The following SYNE1 variants were observed in gnomAD, a reference collection of about 807,000 sequenced individuals.
SYNE1 encodes the protein nesprin-1.
Under a neutral mutation model 1,111.0 loss-of-function variants are expected in SYNE1, and 616 were observed. That is an observed-to-expected ratio of 0.55 (90% CI 0.52 to 0.59). SYNE1 has a LOEUF of 0.59. Among genes scored for constraint, SYNE1 ranks in the 20% least tolerant of loss-of-function variants. The pLI is 0.00. For missense variants in SYNE1, 10,006 were observed against 10,417.0 expected (o/e 0.96, Z 1.72); for synonymous variants, 3,855 against 3,825.8 (o/e 1.01, Z -0.28).
At chr6:152,308,759 T>C in intron 90 of SYNE1, 127 bp from the exon 91 acceptor site, 3 of 1,047,860 alleles carry the variant, frequency 2.9e-6, no homozygotes, top group East Asian at 2.6e-5. Context: ...ATGGGTAAAA[T>C]TCCTAGATGG....
intron 105 of SYNE1, among the ~76,000 whole-genome samples, chr6:152,247,750 TACACACACACACACAC>T (rs61420132): frequency 8.9e-6 from 1 of 112,376 alleles, no homozygotes. Flanking sequence ...TATATATATA[TACACACACACACACAC>T]ACACACACAC....
At chr6:152,402,490 A>T (rs2097836905) in intron 46 of SYNE1, 1 of 152,214 alleles carries the variant, frequency 6.6e-6, no homozygotes, top group Non-Finnish European at 1.5e-5. Context: ...ACTAACTTTG[A>T]GGTGCAGGAC....
At chr6:152,144,724 A>ATC (rs1352936419) in intron 137 of SYNE1, 2 of 152,430 alleles carry the variant, frequency 1.3e-5, no homozygotes, top group African/African-American at 4.8e-5. Flanking sequence ...CTGAAGCGTA[A>ATC]ACTAGTAACT....
intron 13 of SYNE1, among the ~76,000 whole-genome samples, chr6:152,484,038 C>CAAAAAAAAAAAAAAAAAAAAAA (rs773019397): frequency 7.5e-5 from 4 of 53,506 alleles, no homozygotes; most frequent in Admixed American, 2.1e-4. Flanking sequence ...CTCATCTCTA[C>CAAAAAAAAAAAAAAAAAAAAAA]AAAAAAAAAA....
At chr6:152,204,165 G>C (rs1429986100) in intron 126 of SYNE1, among the ~76,000 whole-genome samples, 1 of 152,048 alleles carries the variant, frequency 6.6e-6, no homozygotes, top group Non-Finnish European at 1.5e-5. Flanking sequence ...AGGAGTTCGA[G>C]ACCAGCCTGG....
intron 94 of SYNE1, 78 bp downstream of exon 94, chr6:152,293,882 T>C (rs1334119052): frequency 1.2e-6 from 2 of 1,610,466 alleles, no homozygotes; most frequent in Non-Finnish European, 1.7e-6. Flanking sequence ...ATGTAAACTC[T>C]CTGCATGTAT....
chr6:152,588,913 G>T (rs1158961404), intron 3 of SYNE1, among the ~76,000 whole-genome samples: 1 of 151,946 alleles, frequency 6.6e-6, no homozygotes, highest in Admixed American at 6.6e-5. Flanking sequence ...TAACAAGCAA[G>T]AAATCAGGAA....
At position 152,218,337 on chromosome 6, in the gene SYNE1, C is replaced by T. The variant is rs1339633106; in HGVS notation, c.22111G>A (p.Ala7371Thr). 1.2e-6 allele frequency: 2 copies of T among 1,614,010 alleles called. No homozygotes were observed. The highest frequency in any genetic ancestry group is 4.5e-5 in the East Asian group (2 of 44,872). Reference protein sequence around the residue: ...LEALEAWIVEAEEILQGQDPS... With the variant: ...LEALEAWIVETEEILQGQDPS... The stretch of plus-strand genomic sequence containing the variant: ...TCCTGCCCTTGTAGTATTTCTTCAG[C>T]TTCCACTATCCAGGCCTCCAAAGCT... The change falls in exon 121 of 146, where the codon GCT becomes ACT. Residue 7371 changes from alanine (A) to threonine (T), a missense_variant. Around this residue, in one of 7 missense-constraint regions of SYNE1, gnomAD observed 2,182 missense variants for 2,287.8 expected, o/e 0.95. Coordinates refer to ENST00000367255, the MANE Select transcript of SYNE1 (RefSeq NM_182961.4).
rs570298644 is a variant in SYNE1, at chr6:152,222,878, G to T, written c.21523-1319C>A. Among the ~76,000 whole-genome samples, 12 of 152,322 alleles carry T rather than the reference G, an allele frequency of 7.9e-5. 2 individuals carry two copies. In the South Asian group the frequency reaches 2.5e-3, roughly 32 times the overall value. ...ATATGTCAAGATTGCTTAAAGCAAA[G>T]AATATTTATCAGACAGGTTTGGCAT... On this transcript the variant is annotated intron_variant, in intron 117 of 145. Transcript: ENST00000367255.
intron 56 of SYNE1, among the ~76,000 whole-genome samples, chr6:152,377,867 T>G (rs1253094935): frequency 6.6e-6 from 1 of 151,358 alleles, no homozygotes; most frequent in Non-Finnish European, 1.5e-5. Context: ...GGGACCCAAG[T>G]CCCCCCACGA....
chr6:152,137,103 A>C (rs970618612), intron 140 of SYNE1, among the ~76,000 whole-genome samples: 3 of 152,226 alleles, frequency 2.0e-5, no homozygotes, highest in Non-Finnish European at 2.9e-5. Flanking sequence ...ATACATTCAC[A>C]CACACAAATC....
chr6:152,453,555 T>G (rs2098669193), intron 25 of SYNE1, 31 bp downstream of exon 25: 1 of 1,614,238 alleles, frequency 6.2e-7, no homozygotes, highest in African/African-American at 1.3e-5. Context: ...TCATTGAGGA[T>G]GCACGGTGTC....
intron 63 of SYNE1, among the ~76,000 whole-genome samples, chr6:152,363,002 G>A (rs1024666567): frequency 4.7e-5 from 7 of 150,160 alleles, no homozygotes; most frequent in African/African-American, 1.7e-4. Flanking sequence ...TTCCTCAGCC[G>A]CCCGAGTAGC....
intron 51 of SYNE1, among the ~76,000 whole-genome samples, chr6:152,393,719 C>T (rs1278751469): frequency 6.6e-6 from 1 of 152,050 alleles, no homozygotes; most frequent in African/African-American, 2.4e-5. Context: ...TTCTTTTGTG[C>T]ATTTGTTTGT....
At chr6:152,336,569 T>C in intron 76 of SYNE1, 1 of 498,456 alleles carries the variant, frequency 2.0e-6, no homozygotes, top group Non-Finnish European at 3.7e-6. Flanking sequence ...TTTGCACTCC[T>C]ATGAGAATCT....
chr6:152,206,055 G>T, intron 126 of SYNE1, 113 bp downstream of exon 126: 1 of 1,067,020 alleles, frequency 9.4e-7, no homozygotes, highest in Non-Finnish European at 1.4e-6. Context: ...TCAAAATACT[G>T]CAGGGTATTA....
chr6:152,541,953 G>A (rs1054727572), intron 3 of SYNE1, among the ~76,000 whole-genome samples: 1 of 151,016 alleles, frequency 6.6e-6, no homozygotes, highest in South Asian at 2.1e-4. Flanking sequence ...TAAAATAAAA[G>A]TTGAAAAAAA....
chr6:152,221,034 C>A lies in SYNE1; in HGVS notation c.21669G>T (p.Leu7223Phe), dbSNP rs2080058319. 6 of 1,613,916 alleles carry A rather than the reference C, an allele frequency of 3.7e-6. No homozygotes were observed. Among genetic ancestry groups the A allele is most frequent in the Non-Finnish European group, 5.1e-6 (6 of 1,179,992 alleles). ...GTAGCTGCTCAGCAATCTCTTCCAG[C>A]AAGTTATTCCATCTGGAAATAATAA... ...LKEVNMRWNNLLEEIAEQLQS... is the reference protein window; with the variant it reads ...LKEVNMRWNNFLEEIAEQLQS... The change falls in exon 119 of 146, where the codon TTG (leucine) becomes TTT (phenylalanine). Residue 7223 changes from leucine (L) to phenylalanine (F), a missense_variant. Leu to Phe is a conservative substitution (Grantham distance 22). Transcript: ENST00000367255.
At chr6:152,206,077 T>C in intron 126 of SYNE1, 91 bp downstream of exon 126, 1 of 1,237,338 alleles carries the variant, frequency 8.1e-7, no homozygotes, top group Non-Finnish European at 1.2e-6. Context: ...TTCATGATCT[T>C]TGCATTATTT....
Sources: gnomAD v4.1 joint callset for allele counts (sites outside exome capture counted in the v4.1 genomes callset) on GRCh38, gnomAD v4.1.1 for gene constraint, gnomAD v4.1.1 regional missense constraint, MANE v1.5 for transcripts, NCBI Gene and HGNC (gene_info 2026-07-23, HGNC 2026-07-21) for gene names.